CLVS1: variants seen among roughly 807,000 people sequenced by gnomAD.
CLVS1 encodes clavesin 1.
CLVS1 carries 10 observed loss-of-function variants against 33.1 expected under a neutral mutation model. That is an observed-to-expected ratio of 0.30 (90% CI 0.19 to 0.51). The LOEUF is 0.51. CLVS1 is among the 20% of genes least tolerant of loss of function. The pLI, the probability that CLVS1 is intolerant of heterozygous loss-of-function variation, is 0.97. For synonymous variants in CLVS1, 163 were observed against 166.1 expected (o/e 0.98, Z 0.14); for missense variants, 343 against 433.4 (o/e 0.79, Z 1.85).
intron 2 of CLVS1, among the ~76,000 whole-genome samples, chr8:61,161,217 C>T (rs577459682): frequency 6.6e-5 from 10 of 152,194 alleles, no homozygotes; most frequent in African/African-American, 2.2e-4. Flanking sequence ...CCCTTGTACA[C>T]AGTTGGTATG....
intron 2 of CLVS1, among the ~76,000 whole-genome samples, chr8:61,272,325 G>A (rs569738125): frequency 7.7e-4 from 117 of 152,216 alleles, no homozygotes; most frequent in South Asian, 5.0e-3. Context: ...ATTGGCCCCC[G>A]CTCTCTTCTG....
At chr8:61,472,177 C>A (rs1488676315) in intron 5 of CLVS1, among the ~76,000 whole-genome samples, 5 of 152,222 alleles carry the variant, frequency 3.3e-5, no homozygotes, top group Admixed American at 1.3e-4. Context: ...TAACAGGGAC[C>A]ACAATTCTAT....
chr8:61,131,226 T>C (rs75895347), intron 1 of CLVS1, among the ~76,000 whole-genome samples: 3,595 of 152,286 alleles, frequency 0.024, 61 homozygotes, highest in Non-Finnish European at 0.039. Flanking sequence ...AGACAAAAGA[T>C]GTCTGCCCTG....
At chr8:61,266,020 G>A (rs1809295660) in intron 2 of CLVS1, among the ~76,000 whole-genome samples, 1 of 152,118 alleles carries the variant, frequency 6.6e-6, no homozygotes, top group Non-Finnish European at 1.5e-5. Context: ...TCTAGCAATG[G>A]ACAGGTCTAA....
intron 1 of CLVS1, among the ~76,000 whole-genome samples, chr8:61,083,605 T>C (rs905444573): frequency 7.9e-5 from 12 of 152,056 alleles, no homozygotes; most frequent in African/African-American, 2.9e-4. Context: ...CCGAAAACAT[T>C]TTCTGGGATA....
intron 1 of CLVS1, among the ~76,000 whole-genome samples, chr8:61,081,207 G>T (rs1805014508): frequency 6.6e-6 from 1 of 152,210 alleles, no homozygotes; most frequent in Non-Finnish European, 1.5e-5. Flanking sequence ...AGTTGCTTGG[G>T]AAGAGATCTG....
At chr8:61,467,472 C>T (rs1042603551) in intron 5 of CLVS1, among the ~76,000 whole-genome samples, 5 of 152,302 alleles carry the variant, frequency 3.3e-5, no homozygotes, top group Non-Finnish European at 7.4e-5. Flanking sequence ...TGTCCTGCCT[C>T]TGAACCCATC....
chr8:61,309,258 C>T (rs149661651), intron 2 of CLVS1, among the ~76,000 whole-genome samples: 3 of 152,120 alleles, frequency 2.0e-5, no homozygotes, highest in Non-Finnish European at 4.4e-5. Flanking sequence ...GGGTGCTGAC[C>T]AATTGACGAG....
intron 5 of CLVS1, among the ~76,000 whole-genome samples, chr8:61,478,592 G>A (rs1351359311): frequency 6.6e-6 from 1 of 152,056 alleles, no homozygotes; most frequent in Non-Finnish European, 1.5e-5. Context: ...TGTCTCTTTT[G>A]ATCTTTGTTG....
chr8:61,441,317 T>C (rs1265407693), intron 3 of CLVS1, among the ~76,000 whole-genome samples: 1 of 152,182 alleles, frequency 6.6e-6, no homozygotes, highest in Admixed American at 6.5e-5. Flanking sequence ...TCCCTTACAC[T>C]AAAGGGAAGG....
chr8:61,044,729 A>G, the CLVS1 span, among the ~76,000 whole-genome samples: 2 of 152,164 alleles, frequency 1.3e-5, no homozygotes, highest in African/African-American at 2.4e-5. Context: ...AAATCCTTCA[A>G]TCGGTAGAGT....
At chr8:61,227,553 T>C (rs1046543471) in intron 2 of CLVS1, among the ~76,000 whole-genome samples, 2 of 152,236 alleles carry the variant, frequency 1.3e-5, no homozygotes, top group Non-Finnish European at 2.9e-5. Flanking sequence ...TGTTTTCATA[T>C]AATTCTTGTT....
intron 2 of CLVS1, among the ~76,000 whole-genome samples, chr8:61,162,260 A>G (rs1180020093): frequency 6.6e-6 from 1 of 152,204 alleles, no homozygotes; most frequent in Non-Finnish European, 1.5e-5. Flanking sequence ...TTTGAATCCC[A>G]TATTTGCAGG....
chr8:61,315,945 G>T (rs1810994521), intron 2 of CLVS1, among the ~76,000 whole-genome samples: 3 of 151,938 alleles, frequency 2.0e-5, no homozygotes, highest in Admixed American at 2.0e-4. Flanking sequence ...TGTTCTCATT[G>T]TTCAACTCCC....
At chr8:61,023,011 G>A in the CLVS1 span, among the ~76,000 whole-genome samples, 384 of 152,324 alleles carry the variant, frequency 2.5e-3, no homozygotes, top group Non-Finnish European at 3.9e-3. Flanking sequence ...ATCAAGGGAT[G>A]AGCAAAGTTT....
At chr8:61,142,801 C>A (rs1806332286) in intron 2 of CLVS1, among the ~76,000 whole-genome samples, 1 of 152,152 alleles carries the variant, frequency 6.6e-6, no homozygotes, top group Non-Finnish European at 1.5e-5. Context: ...GGGATTGCTC[C>A]TTTCTGGTTG....
intron 1 of CLVS1, among the ~76,000 whole-genome samples, chr8:61,088,888 G>A (rs1401580445): frequency 5.3e-5 from 8 of 150,212 alleles, no homozygotes; most frequent in Admixed American, 1.3e-4. Context: ...TGCAAGCTCC[G>A]CCTCCTGGGT....
intron 2 of CLVS1, among the ~76,000 whole-genome samples, chr8:61,194,169 T>C (rs570331750): frequency 1.3e-5 from 2 of 152,002 alleles, no homozygotes; most frequent in Non-Finnish European, 2.9e-5. Flanking sequence ...CACAAATGGA[T>C]AGCATAGAAT....
At chr8:61,214,103 C>T (rs996829379) in intron 2 of CLVS1, among the ~76,000 whole-genome samples, 11 of 152,118 alleles carry the variant, frequency 7.2e-5, no homozygotes, top group Admixed American at 3.3e-4. Flanking sequence ...TTGGTCAGAC[C>T]GGTTGCTCTC....
Sources: gnomAD v4.1 joint callset for allele counts (sites outside exome capture counted in the v4.1 genomes callset) on GRCh38, gnomAD v4.1.1 for gene constraint, MANE v1.5 for transcripts, NCBI Gene and HGNC (gene_info 2026-07-23, HGNC 2026-07-21) for gene names.